The following VAPB variants were observed in gnomAD, a reference collection of about 807,000 sequenced individuals.
The protein encoded by VAPB is VAMP associated protein B and C.
Under a neutral mutation model 25.6 loss-of-function variants are expected in VAPB, and 7 were observed. The observed-to-expected ratio is 0.27, with a 90% CI of 0.16 to 0.51. VAPB has a LOEUF of 0.51. VAPB is among the 20% of genes least tolerant of loss of function. The pLI is 0.97. For synonymous variants in VAPB, 112 were observed against 109.2 expected, an observed-to-expected ratio of 1.03 and a Z score of -0.16; for missense variants, 266 against 301.3, an observed-to-expected ratio of 0.88 and a Z score of 0.87.
chr20:58,397,361 A>G (rs1234193560), intron 1 of VAPB, among the ~76,000 whole-genome samples: 1 of 152,058 alleles, frequency 6.6e-6, no homozygotes, highest in Non-Finnish European at 1.5e-5. Context: ...CTCTACTAAA[A>G]ATACAAAATT....
At position 58,449,850 on chromosome 20, in the gene VAPB, C is replaced by T; in HGVS notation, c.*5615C>T. 2.2e-6 allele frequency: 1 copy of T among 454,124 alleles called. No individual in the cohort carries two copies. Among genetic ancestry groups the T allele is most frequent in the Non-Finnish European group, 4.4e-6 (1 of 226,794 alleles). 28.1% of individuals were successfully genotyped at this position (454,124 alleles called of 1,614,324 possible). On this transcript the variant is annotated 3_prime_UTR_variant, in exon 6 of 6. Transcript: ENST00000475243. Reference sequence around the variant, plus strand: ...ATTCTGATGAGCTGCAGGAGTGCGCCTGGCCTTCTGCAGGTGGAGCTGCTG... The same window carrying T: ...ATTCTGATGAGCTGCAGGAGTGCGCTTGGCCTTCTGCAGGTGGAGCTGCTG...
intron 1 of VAPB, among the ~76,000 whole-genome samples, chr20:58,396,271 G>GGT (rs958842770): frequency 1.3e-5 from 2 of 151,988 alleles, no homozygotes; most frequent in Non-Finnish European, 2.9e-5. Flanking sequence ...GCTTTTGGGG[G>GGT]GTGTGTGTGT....
Position 58,438,935 on chromosome 20 carries a change from A to G in VAPB, c.316-10A>G. 6.2e-7 allele frequency: 1 copy of G among 1,610,882 alleles called. No individual in the cohort carries two copies. The highest frequency in any genetic ancestry group is 8.5e-7 in the Non-Finnish European group (1 of 1,177,322). ...ATAATATCTTGATTATTAAATTTAA[A>G]TTGTTTTAGTGGAAGGAGGCAAAAC... is the stretch of plus-strand genomic sequence containing the variant. On this transcript the variant is annotated splice_polypyrimidine_tract_variant and intron_variant, in intron 3 of 5. Coordinates refer to ENST00000475243, the MANE Select transcript of VAPB (RefSeq NM_004738.5).
intron 1 of VAPB, among the ~76,000 whole-genome samples, chr20:58,407,499 A>G (rs1195903123): frequency 6.6e-6 from 1 of 152,200 alleles, no homozygotes; most frequent in African/African-American, 2.4e-5. Flanking sequence ...GTACAGAAAA[A>G]TACAGATAAT....
intron 5 of VAPB, among the ~76,000 whole-genome samples, chr20:58,441,597 G>A (rs1277322928): frequency 2.6e-5 from 4 of 152,178 alleles, no homozygotes; most frequent in South Asian, 2.1e-4. Flanking sequence ...AGCTGAGATC[G>A]TGCCACTGCC....
intron 2 of VAPB, among the ~76,000 whole-genome samples, chr20:58,425,154 A>G (rs1988758822): frequency 6.6e-6 from 1 of 152,194 alleles, no homozygotes; most frequent in South Asian, 2.1e-4. Flanking sequence ...GTCTCAAAAA[A>G]GTGGATCAGT....
chr20:58,392,664 A>G (rs1275115443), intron 1 of VAPB, among the ~76,000 whole-genome samples: 3 of 152,188 alleles, frequency 2.0e-5, no homozygotes, highest in African/African-American at 4.8e-5. Context: ...ACCTAGATGA[A>G]CCTCTGAGCT....
chr20:58,440,040 C>T (rs6128344), intron 4 of VAPB: 2 of 152,146 alleles, frequency 1.3e-5, no homozygotes, highest in South Asian at 2.1e-4. Flanking sequence ...TTTATTTCTG[C>T]TGAATCATTT....
At chr20:58,431,713 A>G (rs1988933092) in intron 2 of VAPB, among the ~76,000 whole-genome samples, 1 of 151,954 alleles carries the variant, frequency 6.6e-6, no homozygotes, top group African/African-American at 2.4e-5. Flanking sequence ...AGTAGCTGGG[A>G]CTATAGGCTA....
At position 58,389,532 on chromosome 20, in the gene VAPB, C is replaced by T. The variant is rs1205740628; in HGVS notation, c.58+15C>T. ...CAAATTCCGAGGTAAGCCCCAGAGG[C>T]CGCCACCTTCCTGCCCGCGGCCTCC... is the stretch of plus-strand genomic sequence containing the variant. On this transcript the variant is annotated intron_variant, in intron 1 of 5. Transcript: ENST00000475243. 1.3e-6 allele frequency: 2 copies of T among 1,570,118 alleles called. No individual in the cohort carries two copies. Among genetic ancestry groups the T allele is most frequent in the Non-Finnish European group, 1.7e-6 (2 of 1,159,506 alleles).
intron 1 of VAPB, among the ~76,000 whole-genome samples, chr20:58,417,845 A>G (rs972357081): frequency 6.6e-6 from 1 of 152,168 alleles, no homozygotes; most frequent in Non-Finnish European, 1.5e-5. Flanking sequence ...CTGGCCTTAG[A>G]TGCAAGCCAT....
chr20:58,429,154 TCC>T (rs1568714643), intron 2 of VAPB, among the ~76,000 whole-genome samples: 1 of 151,306 alleles, frequency 6.6e-6, no homozygotes. Flanking sequence ...TTTTTTTTTT[TCC>T]AAAGCAGAAA....
intron 1 of VAPB, among the ~76,000 whole-genome samples, chr20:58,413,329 G>A (rs1988427096): frequency 6.6e-6 from 1 of 151,658 alleles, no homozygotes; most frequent in African/African-American, 2.4e-5. Flanking sequence ...GGGTACTTGA[G>A]ATTAGGGACT....
rs886938441 is a variant in VAPB, at chr20:58,446,189, C to T, written c.*1954C>T. On this transcript the variant is annotated 3_prime_UTR_variant, in exon 6 of 6. Transcript: ENST00000475243. ...CAGGGAGGCCACCCCAATAGGAATTCGTCTCCAGGATTTTTCCCATGTGTC... is the reference window on the plus strand; with the variant it reads ...CAGGGAGGCCACCCCAATAGGAATTTGTCTCCAGGATTTTTCCCATGTGTC... The T allele has an allele frequency of 2.9e-5, 13 of 453,962 alleles. No homozygotes were observed. The highest frequency in any genetic ancestry group is 1.0e-4 in the African/African-American group (5 of 50,002). 28.1% of individuals were successfully genotyped at this position (453,962 alleles called of 1,614,324 possible).
At chr20:58,432,788 G>A (rs1988955869) in intron 2 of VAPB, among the ~76,000 whole-genome samples, 1 of 152,216 alleles carries the variant, frequency 6.6e-6, no homozygotes, top group Non-Finnish European at 1.5e-5. Context: ...TGTCCCTGAG[G>A]TTAAGTGTCA....
intron 1 of VAPB, among the ~76,000 whole-genome samples, chr20:58,415,934 C>A (rs1408209976): frequency 6.6e-6 from 1 of 152,158 alleles, no homozygotes; most frequent in Non-Finnish European, 1.5e-5. Flanking sequence ...ATTCTTGGAG[C>A]AAATTGCCCA....
Position 58,440,968 on chromosome 20 carries a change from T to C in VAPB, c.458T>C (p.Val153Ala). The change falls in exon 5 of 6, where the codon GTG (valine) becomes GCG (alanine). Residue 153 changes from valine (V) to alanine (A), a missense_variant. Val to Ala is a moderately conservative substitution (Grantham distance 64). Around this residue, in one of 3 missense-constraint regions of VAPB, gnomAD observed 136 missense variants for 130.7 expected, o/e 1.04. Transcript: ENST00000475243. Reference sequence around the variant, plus strand: ...GCATCAAAGACAGAAACACCAATAGTGTCTAAGTCTCTGAGTTCTTCTTTG... The same window carrying C: ...GCATCAAAGACAGAAACACCAATAGCGTCTAAGTCTCTGAGTTCTTCTTTG... ...TTASKTETPI[V>A]SKSLSSSLDD... 1 of 1,614,040 alleles carries C rather than the reference T, an allele frequency of 6.2e-7. No individual in the cohort carries two copies. The highest frequency in any genetic ancestry group is 8.5e-7 in the Non-Finnish European group (1 of 1,180,004).
rs1277002437 is a variant in VAPB at position 58,446,197 on chromosome 20, G to C, written c.*1962G>C. 1 of 454,106 alleles carries C rather than the reference G, an allele frequency of 2.2e-6. No homozygotes were observed. The highest frequency in any genetic ancestry group is 2.3e-5 in the Admixed American group (1 of 42,584). The allele number at this position is 454,106 out of a possible 1,614,324, so 28.1% of individuals were successfully genotyped here. On this transcript the variant is annotated 3_prime_UTR_variant, in exon 6 of 6. Coordinates refer to ENST00000475243, the MANE Select transcript of VAPB (RefSeq NM_004738.5). ...CCACCCCAATAGGAATTCGTCTCCAGGATTTTTCCCATGTGTCCCCCAGTA... is the reference window on the plus strand; with the variant it reads ...CCACCCCAATAGGAATTCGTCTCCACGATTTTTCCCATGTGTCCCCCAGTA...
chr20:58,407,323 G>T (rs1449299116), intron 1 of VAPB, among the ~76,000 whole-genome samples: 1 of 152,166 alleles, frequency 6.6e-6, no homozygotes, highest in Non-Finnish European at 1.5e-5. Context: ...CATGTTTTGA[G>T]TGATAACCTT....
Sources: gnomAD v4.1 joint callset for allele counts (sites outside exome capture counted in the v4.1 genomes callset) on GRCh38, gnomAD v4.1.1 for gene constraint, gnomAD v4.1.1 regional missense constraint, MANE v1.5 for transcripts, NCBI Gene and HGNC (gene_info 2026-07-23, HGNC 2026-07-21) for gene names.